Variants in MRTFB observed in about 807,000 individuals in gnomAD.
MRTFB encodes the protein myocardin related transcription factor B, also known as myocardin-related transcription factor B.
Under a neutral mutation model 104.2 loss-of-function variants are expected in MRTFB, and 29 were observed. The ratio of observed to expected loss-of-function variants is 0.28; its 90% confidence interval spans 0.21 to 0.38. MRTFB has a LOEUF of 0.38. Among genes scored for constraint, MRTFB ranks in the 10% least tolerant of loss-of-function variants. MRTFB has a pLI of 1.00. For missense variants in MRTFB, 1,270 were observed against 1,341.6 expected (o/e 0.95, Z 0.83); for synonymous variants, 535 against 519.5 (o/e 1.03, Z -0.41).
chr16:14,084,005 G>A (rs1326107648), intron 2 of MRTFB, among the ~76,000 whole-genome samples: 1 of 152,208 alleles, frequency 6.6e-6, no homozygotes, highest in Admixed American at 6.5e-5. Flanking sequence ...AACGTGAAGA[G>A]TTTTCTTATT....
At chr16:14,182,385 G>T (rs1381552022) in intron 3 of MRTFB, among the ~76,000 whole-genome samples, 1 of 152,112 alleles carries the variant, frequency 6.6e-6, no homozygotes, top group Non-Finnish European at 1.5e-5. Context: ...TAGGAGAAGG[G>T]GCCACAAATA....
chr16:14,159,631 C>T (rs1481736088), intron 3 of MRTFB, among the ~76,000 whole-genome samples: 23 of 152,154 alleles, frequency 1.5e-4, no homozygotes, highest in Non-Finnish European at 3.4e-4. Context: ...AATTTATTAA[C>T]TTTATTTAAG....
chr16:13,995,922 A>G, the MRTFB span, among the ~76,000 whole-genome samples: 1,205 of 152,244 alleles, frequency 7.9e-3, 18 homozygotes, highest in African/African-American at 0.028. Context: ...ACACACAGCC[A>G]AACCATATCA....
the MRTFB span, among the ~76,000 whole-genome samples, chr16:14,036,245 G>T: frequency 3.5e-5 from 4 of 115,888 alleles, no homozygotes; most frequent in South Asian, 5.3e-4. Flanking sequence ...TATAATATAT[G>T]TTATACTATA....
chr16:14,245,382 T>C, intron 10 of MRTFB, 146 bp from the exon 11 acceptor site: 1 of 645,786 alleles, frequency 1.5e-6, no homozygotes, highest in Non-Finnish European at 2.5e-6. Flanking sequence ...TGAGATCTAA[T>C]GTAATTGGCA....
At chr16:14,019,999 C>T in the MRTFB span, among the ~76,000 whole-genome samples, 6 of 152,278 alleles carry the variant, frequency 3.9e-5, no homozygotes, top group South Asian at 2.1e-4. Flanking sequence ...CTTATTAGGG[C>T]GCTATCAGGG....
chr16:14,254,046 G>T (rs867963628), intron 15 of MRTFB, among the ~76,000 whole-genome samples: 1 of 152,152 alleles, frequency 6.6e-6, no homozygotes, highest in African/African-American at 2.4e-5. Context: ...CTTACTTGAT[G>T]AATCTTCCAC....
At chr16:14,005,586 A>AG in the MRTFB span, among the ~76,000 whole-genome samples, 2 of 152,204 alleles carry the variant, frequency 1.3e-5, no homozygotes, top group African/African-American at 2.4e-5. Context: ...ATGAGGGCAG[A>AG]GCGGGGACTC....
intron 8 of MRTFB, among the ~76,000 whole-genome samples, chr16:14,230,876 A>G (rs1273880668): frequency 1.3e-5 from 2 of 151,324 alleles, no homozygotes; most frequent in Non-Finnish European, 2.9e-5. Flanking sequence ...AAGACTTGGA[A>G]CCAACCCAAA....
the MRTFB span, among the ~76,000 whole-genome samples, chr16:14,004,191 G>A: frequency 6.6e-6 from 1 of 152,326 alleles, no homozygotes; most frequent in Admixed American, 6.5e-5. Flanking sequence ...TCATCCAGTG[G>A]ATGGGAGAAT....
intron 3 of MRTFB, among the ~76,000 whole-genome samples, chr16:14,169,074 G>A (rs2039340830): frequency 6.6e-6 from 1 of 152,120 alleles, no homozygotes; most frequent in South Asian, 2.1e-4. Context: ...AGTTAAAGAA[G>A]TGTTACAGTG....
chr16:14,106,871 G>A (rs2036006753), intron 2 of MRTFB, among the ~76,000 whole-genome samples: 4 of 152,098 alleles, frequency 2.6e-5, no homozygotes, highest in Admixed American at 2.6e-4. Context: ...AATGAAAATG[G>A]ACAAATAGAA....
chr16:14,132,936 G>A (rs1874020974), intron 2 of MRTFB, among the ~76,000 whole-genome samples: 3 of 152,164 alleles, frequency 2.0e-5, no homozygotes, highest in African/African-American at 7.2e-5. Context: ...GCCAGTCGTA[G>A]TAATTTAACT....
intron 2 of MRTFB, among the ~76,000 whole-genome samples, chr16:14,127,930 T>TATATATATATATATATATATA (rs1491428460): frequency 9.5e-5 from 3 of 31,698 alleles, no homozygotes; most frequent in Non-Finnish European, 1.4e-4. Flanking sequence ...TATATATATA[T>TATATATATATATATATATATA]TTTTTTTTTT....
At chr16:14,197,261 A>T (rs1403412064) in intron 3 of MRTFB, among the ~76,000 whole-genome samples, 2 of 152,174 alleles carry the variant, frequency 1.3e-5, no homozygotes, top group South Asian at 4.1e-4. Context: ...GGCGTGAGCC[A>T]TCGTGCCTGG....
chr16:14,185,737 TA>T (rs1447820769), intron 3 of MRTFB, among the ~76,000 whole-genome samples: 1 of 152,134 alleles, frequency 6.6e-6, no homozygotes, highest in Non-Finnish European at 1.5e-5. Context: ...ACTGCTCTTA[TA>T]ACCTCTGATG....
intron 8 of MRTFB, among the ~76,000 whole-genome samples, chr16:14,223,449 C>A (rs1168940993): frequency 6.6e-6 from 1 of 151,942 alleles, no homozygotes; most frequent in African/African-American, 2.4e-5. Flanking sequence ...TACTCAAAAA[C>A]TAAAAGAAAG....
the MRTFB span, among the ~76,000 whole-genome samples, chr16:14,042,732 C>A: frequency 6.6e-6 from 1 of 152,122 alleles, no homozygotes; most frequent in Non-Finnish European, 1.5e-5. Flanking sequence ...CTTCTGAATT[C>A]CTGCCTGTTA....
chr16:14,177,906 GT>G lies in MRTFB; in HGVS notation c.155-32336del, dbSNP rs1376575631. ...GAAGTACATGAACCAGAGGTAGGGT[GT>G]GTGTGTGTGTGTGTGTGTGTGTGTG... On this transcript the variant is annotated intron_variant, in intron 3 of 16. Transcript: ENST00000571589. The surrounding 1 kb of genome is among the most constrained non-coding windows in gnomAD (Gnocchi z 4.7). Among the ~76,000 whole-genome samples, 135 of 118,874 alleles carry G rather than the reference GT, an allele frequency of 1.1e-3. No homozygotes were observed. The highest frequency in any genetic ancestry group is 6.3e-3 in the African/African-American group (127 of 20,098). The allele number at this position is 118,874 out of a possible 152,430, so 78.0% of individuals were successfully genotyped here. A position where few individuals can be genotyped will look rare whatever the true frequency, so the allele number is the denominator to read the frequency against.
Sources: gnomAD v4.1 joint callset for allele counts (sites outside exome capture counted in the v4.1 genomes callset) on GRCh38, gnomAD v4.1.1 for gene constraint, Gnocchi (gnomAD v3.1) non-coding constraint, MANE v1.5 for transcripts, NCBI Gene and HGNC (gene_info 2026-07-23, HGNC 2026-07-21) for gene names.